The following SNX29 variants were observed in gnomAD, a reference collection of about 807,000 sequenced individuals.
The protein encoded by SNX29 is sorting nexin-29.
A neutral mutation model predicts 102.1 loss-of-function variants in SNX29; 78 were observed. The ratio of observed to expected loss-of-function variants is 0.76; its 90% CI spans 0.64 to 0.92. SNX29 has a LOEUF of 0.92. Among genes scored for constraint, SNX29 ranks in the 40% least tolerant of loss-of-function variants. The probability of loss-of-function intolerance (pLI) is 0.00; values close to 1 mark genes in which losing one functional copy is unlikely to be tolerated. For missense variants in SNX29, 1,280 were observed against 1,061.7 expected, an observed-to-expected ratio of 1.21 and a Z score of -2.86; for synonymous variants, 580 against 414.5, an observed-to-expected ratio of 1.40 and a Z score of -4.85.
intron 20 of SNX29, among the ~76,000 whole-genome samples, chr16:12,562,207 C>A (rs555438428): frequency 6.6e-6 from 1 of 152,008 alleles, no homozygotes; most frequent in African/African-American, 2.4e-5. Flanking sequence ...AGGAGTGAAC[C>A]CTGCTGGAGG....
chr16:12,504,615 C>T (rs1416139764), intron 19 of SNX29, among the ~76,000 whole-genome samples: 1 of 152,216 alleles, frequency 6.6e-6, no homozygotes, highest in Non-Finnish European at 1.5e-5. Context: ...GTTTCAGTTA[C>T]CCACAGTACA....
At chr16:12,217,083 C>T (rs1230497183) in intron 14 of SNX29, among the ~76,000 whole-genome samples, 1 of 152,156 alleles carries the variant, frequency 6.6e-6, no homozygotes, top group Non-Finnish European at 1.5e-5. Context: ...GGCTGGAGTG[C>T]AGTGGTGTGA....
At chr16:12,368,716 T>C (rs2082575108) in intron 16 of SNX29, among the ~76,000 whole-genome samples, 2 of 152,258 alleles carry the variant, frequency 1.3e-5, no homozygotes, top group Non-Finnish European at 2.9e-5. Context: ...CCCTCCGTTC[T>C]ACCTGTCCTG....
intron 15 of SNX29, among the ~76,000 whole-genome samples, chr16:12,352,819 T>A (rs1189283609): frequency 1.3e-5 from 2 of 152,212 alleles, no homozygotes; most frequent in African/African-American, 4.8e-5. Flanking sequence ...TACTTTTGAT[T>A]TGTCACTGTC....
intron 15 of SNX29, among the ~76,000 whole-genome samples, chr16:12,308,297 C>T (rs2080410055): frequency 6.6e-6 from 1 of 152,230 alleles, no homozygotes; most frequent in Non-Finnish European, 1.5e-5. Context: ...GTCCCACAGC[C>T]TCTACTGTGT....
At chr16:11,990,190 T>C (rs13339152) in intron 1 of SNX29, among the ~76,000 whole-genome samples, 17,876 of 152,190 alleles carry the variant, frequency 0.12, 1,556 homozygotes, top group African/African-American at 0.24. Flanking sequence ...GTTGTGTTTG[T>C]TTCATGTCGA....
chr16:12,277,903 T>TA (rs1567388902), intron 14 of SNX29, 30 bp from the exon 15 acceptor site: 3 of 1,564,072 alleles, frequency 1.9e-6, no homozygotes, highest in Non-Finnish European at 2.6e-6. Context: ...ACTGTTGAAA[T>TA]ATTTATGACA....
intron 11 of SNX29, among the ~76,000 whole-genome samples, chr16:12,115,192 G>A (rs1194157594): frequency 3.3e-5 from 5 of 152,010 alleles, no homozygotes; most frequent in Non-Finnish European, 7.4e-5. Context: ...TTTTCCTTCA[G>A]CCCCCCTCGC....
intron 1 of SNX29, 63 bp from the exon 2 acceptor site, chr16:11,999,234 T>G (rs373550109): frequency 6.8e-7 from 1 of 1,477,938 alleles, no homozygotes; most frequent in South Asian, 1.1e-5. Flanking sequence ...AAAGGACTGA[T>G]CTAGTTGGGG....
At chr16:12,423,113 C>T (rs1382052661) in intron 18 of SNX29, among the ~76,000 whole-genome samples, 1 of 152,106 alleles carries the variant, frequency 6.6e-6, no homozygotes, top group Admixed American at 6.5e-5. Context: ...AGCCTTCATG[C>T]TACAGGCACA....
intron 20 of SNX29, among the ~76,000 whole-genome samples, chr16:12,525,523 A>G (rs1388862950): frequency 6.6e-6 from 1 of 151,852 alleles, no homozygotes; most frequent in Non-Finnish European, 1.5e-5. Context: ...AAATACAAAA[A>G]TTAGCCAGCC....
intron 20 of SNX29, among the ~76,000 whole-genome samples, chr16:12,558,232 C>CG (rs1022933600): frequency 1.1e-4 from 2 of 18,652 alleles, no homozygotes; most frequent in Non-Finnish European, 6.7e-4. Flanking sequence ...CTCTCTTCAG[C>CG]CCCCCCAGTA....
intron 18 of SNX29, among the ~76,000 whole-genome samples, chr16:12,431,241 G>A (rs138733278): frequency 3.3e-5 from 5 of 152,070 alleles, no homozygotes; most frequent in African/African-American, 7.2e-5. Flanking sequence ...CTGGGCAAAG[G>A]GGGAAGAGGG....
At chr16:12,315,659 G>T (rs994358682) in intron 15 of SNX29, among the ~76,000 whole-genome samples, 4 of 152,198 alleles carry the variant, frequency 2.6e-5, no homozygotes, top group Non-Finnish European at 4.4e-5. Flanking sequence ...AACCAACCCT[G>T]CTGGCACCTT....
At chr16:12,555,739 C>T (rs951018673) in intron 20 of SNX29, among the ~76,000 whole-genome samples, 1 of 152,100 alleles carries the variant, frequency 6.6e-6, no homozygotes, top group African/African-American at 2.4e-5. Flanking sequence ...TTTCCTTCCA[C>T]CTCCCCACAA....
At chr16:12,160,440 G>C (rs1044011905) in intron 13 of SNX29, among the ~76,000 whole-genome samples, 3 of 152,156 alleles carry the variant, frequency 2.0e-5, no homozygotes, top group Non-Finnish European at 4.4e-5. Flanking sequence ...AAATAGTCTT[G>C]TGCTAATGAT....
In SNX29 at chr16:12,417,164, C is replaced by T. The variant is rs114434653; in HGVS notation, c.2037+13635C>T. ...GGCGGTTTGCATTCTACTCCATAAT[C>T]CATCCGTATCTTACTGTTTATGAAA... On this transcript the variant is annotated intron_variant, in intron 18 of 20. Coordinates refer to ENST00000566228, the MANE Select transcript of SNX29 (RefSeq NM_032167.5). Among the ~76,000 whole-genome samples the T allele has an allele frequency of 2.5e-3, 388 of 152,324 alleles. 1 individual carries two copies. The highest frequency in any genetic ancestry group is 0.014 in the Middle Eastern group (4 of 294).
At chr16:12,007,039 A>G (rs1596574001) in intron 3 of SNX29, among the ~76,000 whole-genome samples, 1 of 152,174 alleles carries the variant, frequency 6.6e-6, no homozygotes, top group East Asian at 1.9e-4. Flanking sequence ...TGTGCTATTT[A>G]GTGACTAAAT....
At chr16:12,522,917 C>G (rs1476687200) in intron 19 of SNX29, among the ~76,000 whole-genome samples, 4 of 152,202 alleles carry the variant, frequency 2.6e-5, no homozygotes, top group Non-Finnish European at 5.9e-5. Flanking sequence ...CTTAAGCAGT[C>G]CTCCTGCTGC....
Sources: allele counts gnomAD v4.1 joint callset (sites outside exome capture counted in the v4.1 genomes callset), GRCh38; gene constraint gnomAD v4.1.1; transcripts MANE v1.5; gene names NCBI Gene and HGNC (gene_info 2026-07-23, HGNC 2026-07-21).